Variants in ACSS2 observed in about 807,000 individuals in gnomAD.
ACSS2 encodes the protein acyl-CoA synthetase short chain family member 2, also known as acetyl-coenzyme A synthetase, cytoplasmic.
ACSS2 carries 58 observed loss-of-function variants against 90.6 expected under a neutral mutation model. That is an observed-to-expected ratio of 0.64 (90% CI 0.52 to 0.80). The LOEUF is 0.80. Ranked by LOEUF, ACSS2 falls within the 30% of genes least tolerant of loss-of-function variation. ACSS2 has a pLI of 0.00. For synonymous variants in ACSS2, 300 were observed against 330.9 expected (o/e 0.91, Z 1.01); for missense variants, 759 against 912.0 (o/e 0.83, Z 2.16).
At chr20:34,910,399 A>G (rs778359605) in intron 2 of ACSS2, among the ~76,000 whole-genome samples, 4 of 152,236 alleles carry the variant, frequency 2.6e-5, no homozygotes, top group Non-Finnish European at 4.4e-5. Flanking sequence ...CTGTAATCCC[A>G]GCACTTTGAG....
rs1310890654 is a variant in ACSS2 at position 34,876,768 on chromosome 20, C to G, written c.123C>G (p.Val41=). ...CCGAGGTCAGCCGCTCCGCGCACGT[C>G]CCCTCGCTGCAGCGCTACCGCGAGC... The part of the protein sequence containing the change: ...PPPEVSRSAH[V]PSLQRYRELH... Residue 41 remains valine (V), a synonymous_variant, in exon 1 of 18, where the codon GTC becomes GTG. Transcript: ENST00000360596. 9 of 1,413,344 alleles carry G rather than the reference C, an allele frequency of 6.4e-6. No individual in the cohort carries two copies. The highest frequency in any genetic ancestry group is 2.5e-4 in the Middle Eastern group (1 of 3,938). 87.6% of individuals were successfully genotyped at this position (1,413,344 alleles called of 1,614,324 possible). A position where few individuals can be genotyped will look rare whatever the true frequency, so the allele number is the denominator to read the frequency against.
intron 2 of ACSS2, among the ~76,000 whole-genome samples, chr20:34,905,383 C>T (rs1255259283): frequency 6.6e-6 from 1 of 152,026 alleles, no homozygotes; most frequent in Non-Finnish European, 1.5e-5. Flanking sequence ...CGCCATCCTC[C>T]TGCCTCAGCC....
At chr20:34,890,802 T>A (rs1265560036) in intron 2 of ACSS2, among the ~76,000 whole-genome samples, 10 of 152,114 alleles carry the variant, frequency 6.6e-5, no homozygotes, top group Admixed American at 6.5e-4. Flanking sequence ...CTGGAGCTTT[T>A]GAGAATAAGG....
chr20:34,910,509 G>C (rs1045466947), intron 2 of ACSS2, among the ~76,000 whole-genome samples: 4 of 152,148 alleles, frequency 2.6e-5, no homozygotes, highest in African/African-American at 9.7e-5. Context: ...AAAAAAATTA[G>C]CCAGGTGTGG....
Position 34,921,833 on chromosome 20 carries a change from G to A in ACSS2, c.1515G>A (p.Gly505=), listed in dbSNP as rs2081208293. 6.2e-7 allele frequency: 1 copy of A among 1,614,052 alleles called. No individual in the cohort carries two copies. Among genetic ancestry groups the A allele is most frequent in the East Asian group, 2.2e-5 (1 of 44,890 alleles). Residue 505 remains glycine, a synonymous_variant, in exon 13 of 18, where the codon GGG becomes GGA. Coordinates refer to ENST00000360596, the MANE Select transcript of ACSS2 (RefSeq NM_018677.4). ...GVAPAILNES[G]EELEGEAEGY... is the part of the protein sequence containing the mutation. ...CTCCTGCAATCCTGAATGAGTCCGG[G>A]GAAGAGTTGGAAGGTGAAGCTGAAG... is the stretch of plus-strand genomic sequence containing the variant.
chr20:34,895,277 T>C (rs890204683), intron 2 of ACSS2, among the ~76,000 whole-genome samples: 2 of 152,170 alleles, frequency 1.3e-5, no homozygotes, highest in Non-Finnish European at 2.9e-5. Context: ...TTTCAAAACA[T>C]TGGCACTGCA....
chr20:34,900,817 C>A (rs1169019078), intron 2 of ACSS2, among the ~76,000 whole-genome samples: 1 of 152,172 alleles, frequency 6.6e-6, no homozygotes, highest in Non-Finnish European at 1.5e-5. Context: ...AAAATTCCAT[C>A]CTTGGTAGTT....
chr20:34,918,406 A>G (rs1445665067), intron 7 of ACSS2, among the ~76,000 whole-genome samples: 3 of 152,230 alleles, frequency 2.0e-5, no homozygotes, highest in Admixed American at 6.5e-5. Context: ...GTGTTCAAAG[A>G]GGTGATATAG....
chr20:34,881,806 T>C (rs2080076504), intron 1 of ACSS2, among the ~76,000 whole-genome samples: 3 of 152,196 alleles, frequency 2.0e-5, no homozygotes, highest in African/African-American at 7.2e-5. Context: ...GCCTCCCTTC[T>C]AGAGTTGTGG....
chr20:34,908,743 C>T, intron 2 of ACSS2: 2 of 322,894 alleles, frequency 6.2e-6, no homozygotes, highest in South Asian at 5.0e-5. Context: ...CGCCTGTAAT[C>T]CCAGCTACTC....
rs1411440695 is a variant in ACSS2 at position 34,876,692 on chromosome 20, G to A, written c.47G>A (p.Gly16Asp). 9 of 1,434,028 alleles carry A rather than the reference G, an allele frequency of 6.3e-6. No homozygotes were observed. The highest frequency in any genetic ancestry group is 8.3e-6 in the Non-Finnish European group (9 of 1,085,676). The allele number at this position is 1,434,028 out of a possible 1,614,324, so 88.8% of individuals were successfully genotyped here. A position where few individuals can be genotyped will look rare whatever the true frequency, so the allele number is the denominator to read the frequency against. Residue 16 changes from glycine to aspartate, a missense_variant, in exon 1 of 18, where the codon GGC becomes GAC. Physicochemically the swap from Gly to Asp is moderately conservative, Grantham distance 94. Coordinates refer to ENST00000360596, the MANE Select transcript of ACSS2 (RefSeq NM_018677.4). ...GTCCGGAGCGGCAGCGGGAGCCGGGGCCAGGAGGAAGCTGGAGCCGGAGGC... is the reference window on the plus strand; with the variant it reads ...GTCCGGAGCGGCAGCGGGAGCCGGGACCAGGAGGAAGCTGGAGCCGGAGGC... ...ERVRSGSGSR[G>D]QEEAGAGGRA...
At chr20:34,895,129 A>C (rs960433225) in intron 2 of ACSS2, among the ~76,000 whole-genome samples, 3 of 152,172 alleles carry the variant, frequency 2.0e-5, no homozygotes, top group Non-Finnish European at 4.4e-5. Flanking sequence ...AATTTTGAAA[A>C]ATTATGTAAC....
chr20:34,908,016 C>G (rs2080851547), intron 2 of ACSS2, among the ~76,000 whole-genome samples: 1 of 152,232 alleles, frequency 6.6e-6, no homozygotes, highest in South Asian at 2.1e-4. Context: ...ACCTGAGCAT[C>G]TATTCTTGGC....
rs555811354 is a variant in ACSS2 at position 34,927,825 on chromosome 20, T to C, written c.*611T>C. 6.9e-4 allele frequency: 106 copies of C among 154,036 alleles called. No individual in the cohort carries two copies. Among genetic ancestry groups the C allele is most frequent in the Non-Finnish European group, 1.2e-3 (85 of 69,162 alleles). The allele number at this position is 154,036 out of a possible 1,614,324, so 9.5% of individuals were successfully genotyped here. A position where few individuals can be genotyped will look rare whatever the true frequency, so the allele number is the denominator to read the frequency against. On this transcript the variant is annotated 3_prime_UTR_variant, in exon 18 of 18. Transcript: ENST00000360596. The surrounding 1 kb of genome is among the most constrained non-coding windows in gnomAD (Gnocchi z 4.2). The stretch of plus-strand genomic sequence containing the variant: ...TTGTTCCTAGGGCCAGAGGAGCTTG[T>C]CTTCCTTGTCCTCTGTTCCCACCCT...
Position 34,882,845 on chromosome 20 carries a change from G to C in ACSS2, c.230G>C (p.Gly77Ala). 1 of 1,613,506 alleles carries C rather than the reference G, an allele frequency of 6.2e-7. No individual in the cohort carries two copies. Among genetic ancestry groups the C allele is most frequent in the Non-Finnish European group, 8.5e-7 (1 of 1,179,838 alleles). The change falls in exon 2 of 18, where the codon GGC (glycine) becomes GCC (alanine). Residue 77 changes from glycine (G) to alanine (A), a missense_variant. By Grantham distance (60) the Gly-to-Ala change is moderately conservative (BLOSUM62 0). Transcript: ENST00000360596. ...TTTTACTGGAAGACTCCATGCCCTG[G>C]CCCATTCCTTCGGTACAACTTTGAT... is the stretch of plus-strand genomic sequence containing the variant. Reference protein sequence around the residue: ...KEFYWKTPCPGPFLRYNFDVT... With the variant: ...KEFYWKTPCPAPFLRYNFDVT...
At chr20:34,926,333 T>C (rs1404449850) in intron 16 of ACSS2, 52 bp downstream of exon 16, 1 of 1,574,280 alleles carries the variant, frequency 6.4e-7, no homozygotes, top group Non-Finnish European at 8.6e-7. Context: ...GAGGCCCAGT[T>C]ATCACTGCAA....
rs191684165 is a variant in ACSS2 at position 34,921,268 on chromosome 20, C to G, written c.1278-62C>G. 5.3e-4 allele frequency: 856 copies of G among 1,608,796 alleles called. 7 individuals are homozygous for G. The Middle Eastern group carries it at 9.7e-3, about 18-fold the overall frequency. On this transcript the variant is annotated intron_variant, in intron 10 of 17. Coordinates refer to ENST00000360596, the MANE Select transcript of ACSS2 (RefSeq NM_018677.4). ...ATAGAGGATGGGGCAAGAGAAAAGC[C>G]TGGGTATGTGTGTCTTCCAGTAGTA...
At chr20:34,897,658 A>G (rs2080497489) in intron 2 of ACSS2, among the ~76,000 whole-genome samples, 1 of 152,016 alleles carries the variant, frequency 6.6e-6, no homozygotes, top group Non-Finnish European at 1.5e-5. Flanking sequence ...GTGAAACCCC[A>G]TCTCTACTAA....
chr20:34,921,655 C>A, intron 12 of ACSS2, 55 bp downstream of exon 12: 2 of 1,613,138 alleles, frequency 1.2e-6, no homozygotes, highest in South Asian at 2.2e-5. Context: ...TGTCTTGGGG[C>A]ACTTGGCCTA....
Sources: allele counts gnomAD v4.1 joint callset (sites outside exome capture counted in the v4.1 genomes callset), GRCh38; gene constraint gnomAD v4.1.1; non-coding constraint Gnocchi (gnomAD v3.1); transcripts MANE v1.5; gene names NCBI Gene and HGNC (gene_info 2026-07-23, HGNC 2026-07-21).